NAV2: variants seen among roughly 807,000 people sequenced by gnomAD.
The protein encoded by NAV2 is helicase, APC down-regulated 1.
In NAV2, 54 loss-of-function variants were observed where a neutral mutation model predicts 223.2. The ratio of observed to expected loss-of-function variants is 0.24; its 90% confidence interval spans 0.19 to 0.30. NAV2 has a LOEUF of 0.30. Ranked by LOEUF, NAV2 falls within the 10% of genes least tolerant of loss-of-function variation. The pLI is 1.00. For missense variants in NAV2, 2,806 were observed against 3,147.5 expected, an observed-to-expected ratio of 0.89 and a Z score of 2.60; for synonymous variants, 1,279 against 1,239.3, an observed-to-expected ratio of 1.03 and a Z score of -0.67.
At chr11:19,715,643 G>A (rs1202331531) in intron 1 of NAV2, among the ~76,000 whole-genome samples, 1 of 152,180 alleles carries the variant, frequency 6.6e-6, no homozygotes, top group African/African-American at 2.4e-5. Context: ...AACATTGTCA[G>A]AGGACTGGCA....
intron 1 of NAV2, among the ~76,000 whole-genome samples, chr11:19,809,352 A>T (rs1198646958): frequency 1.3e-5 from 2 of 152,210 alleles, no homozygotes; most frequent in African/African-American, 4.8e-5. Flanking sequence ...TCCACATGTT[A>T]TCCATGGAGG....
At chr11:19,439,620 C>A (rs1851330215) in intron 1 of NAV2, among the ~76,000 whole-genome samples, 1 of 152,160 alleles carries the variant, frequency 6.6e-6, no homozygotes, top group African/African-American at 2.4e-5. Context: ...CAACATGATA[C>A]CTGTGTTTAT....
chr11:20,076,321 A>G (rs1383736931), intron 22 of NAV2, among the ~76,000 whole-genome samples: 1 of 152,186 alleles, frequency 6.6e-6, no homozygotes, highest in Non-Finnish European at 1.5e-5. Flanking sequence ...CTCATCCAAC[A>G]TATATGATTG....
chr11:19,829,788 C>T lies in NAV2; in HGVS notation c.268-2696C>T, dbSNP rs999443915. Among the ~76,000 whole-genome samples the T allele has an allele frequency of 1.1e-4, 16 of 152,214 alleles. No homozygotes were observed. The South Asian group carries it at 1.9e-3, about 18-fold the overall frequency. ...GGACAGGCACTTCCATATAGTCCCA[C>T]TCTGAGTCTTCACATCGACCTTCTG... On this transcript the variant is annotated intron_variant, in intron 1 of 37. Coordinates refer to ENST00000349880, the MANE Select transcript of NAV2 (RefSeq NM_145117.5).
rs529869910 is a variant in NAV2 at position 20,074,480 on chromosome 11, G to T, written c.4984-3072G>T. Among the ~76,000 whole-genome samples, 134 of 152,244 alleles carry T rather than the reference G, an allele frequency of 8.8e-4. 3 individuals carry two copies. The South Asian group carries it at 0.027, about 30-fold the overall frequency. ...GGTCCAGAGATGAGCTCAAGTCCTG[G>T]ATATCCTTGTTAATTTTCTGTTTTG... On this transcript the variant is annotated intron_variant, in intron 22 of 37. Transcript: ENST00000349880.
Position 20,048,765 on chromosome 11 carries a change from G to A in NAV2, c.3940G>A (p.Ala1314Thr), listed in dbSNP as rs750452282. The change falls in exon 15 of 38, where the codon GCC becomes ACC. Residue 1314 changes from alanine (A) to threonine (T), a missense_variant. By Grantham distance (58) the Ala-to-Thr change is moderately conservative. This residue lies in a region of NAV2 where 742 missense variants were observed against 777.9 expected (regional missense o/e 0.95). Coordinates refer to ENST00000349880, the MANE Select transcript of NAV2 (RefSeq NM_145117.5). ...GGKPTKQVPI[A>T]TAENMKNSVV... ...GAAGCCTACCAAGCAAGTGCCCATC[G>A]CCACAGCTGAAAACATGAAAAATTC... 9.3e-6 allele frequency: 15 copies of A among 1,614,038 alleles called. No homozygotes were observed. Among genetic ancestry groups the A allele is most frequent in the East Asian group, 4.5e-5 (2 of 44,878 alleles).
chr11:19,926,240 C>T (rs2044740129), intron 6 of NAV2, among the ~76,000 whole-genome samples: 1 of 152,180 alleles, frequency 6.6e-6, no homozygotes, highest in Non-Finnish European at 1.5e-5. Flanking sequence ...TTTCTAGAAG[C>T]ATATGGAATT....
At chr11:19,417,929 T>G (rs947327253) in intron 1 of NAV2, among the ~76,000 whole-genome samples, 10 of 151,902 alleles carry the variant, frequency 6.6e-5, no homozygotes, top group African/African-American at 2.4e-4. Flanking sequence ...CGAGAACACA[T>G]GGACCTGGGG....
chr11:20,071,249 G>T (rs1178749279), intron 22 of NAV2, among the ~76,000 whole-genome samples: 1 of 152,058 alleles, frequency 6.6e-6, no homozygotes, highest in Admixed American at 6.6e-5. Flanking sequence ...TGCTGAGAAT[G>T]ATGGTTTCCA....
At chr11:19,610,937 C>T (rs1162254459) in intron 1 of NAV2, among the ~76,000 whole-genome samples, 1 of 151,186 alleles carries the variant, frequency 6.6e-6, no homozygotes, top group East Asian at 1.9e-4. Flanking sequence ...CCAGGCTCAG[C>T]CCAGCCCCTT....
intron 1 of NAV2, among the ~76,000 whole-genome samples, chr11:19,623,191 C>A (rs1050337914): frequency 6.6e-6 from 1 of 152,154 alleles, no homozygotes; most frequent in Non-Finnish European, 1.5e-5. Context: ...TCTGGCTGCC[C>A]TTAACATTTT....
chr11:19,392,644 T>C (rs1590110892), intron 1 of NAV2, among the ~76,000 whole-genome samples: 1 of 152,152 alleles, frequency 6.6e-6, no homozygotes, highest in Non-Finnish European at 1.5e-5. Flanking sequence ...CAGCATCACT[T>C]CTCCAGCATT....
chr11:19,707,025 T>C (rs529973245), intron 1 of NAV2, among the ~76,000 whole-genome samples: 14 of 152,160 alleles, frequency 9.2e-5, no homozygotes, highest in African/African-American at 2.9e-4. Flanking sequence ...AGTAAAAATA[T>C]AGTATAAAAG....
intron 1 of NAV2, among the ~76,000 whole-genome samples, chr11:19,487,480 A>G (rs554416822): frequency 6.6e-6 from 1 of 152,288 alleles, no homozygotes; most frequent in Admixed American, 6.5e-5. Flanking sequence ...GATGAAGAAC[A>G]TGGTGACAGA....
rs913569021 is a variant in NAV2, at chr11:20,119,835, T to C, written c.*1577T>C. 3 of 152,336 alleles carry C rather than the reference T, an allele frequency of 2.0e-5. No homozygotes were observed. Among genetic ancestry groups the C allele is most frequent in the Admixed American group, 6.6e-5 (1 of 15,252 alleles). The allele number at this position is 152,336 out of a possible 1,614,324, so 9.4% of individuals were successfully genotyped here. A position where few individuals can be genotyped will look rare whatever the true frequency, so the allele number is the denominator to read the frequency against. ...CATGGGAAAAAGAAAAAAAAAAAGATCCATTTTTTAGGTTCTTTTCGGTCT... is the reference window on the plus strand; with the variant it reads ...CATGGGAAAAAGAAAAAAAAAAAGACCCATTTTTTAGGTTCTTTTCGGTCT... On this transcript the variant is annotated 3_prime_UTR_variant, in exon 38 of 38. Coordinates refer to ENST00000349880, the MANE Select transcript of NAV2 (RefSeq NM_145117.5).
At chr11:19,898,421 C>A (rs1034267325) in intron 6 of NAV2, among the ~76,000 whole-genome samples, 1 of 152,114 alleles carries the variant, frequency 6.6e-6, no homozygotes, top group Non-Finnish European at 1.5e-5. Context: ...AGTAATTATT[C>A]TTCAGAAGCT....
chr11:20,001,517 T>C (rs962535778), intron 11 of NAV2, among the ~76,000 whole-genome samples: 1 of 152,050 alleles, frequency 6.6e-6, no homozygotes, highest in Non-Finnish European at 1.5e-5. Context: ...ACCTTGGCTT[T>C]TTCACTATGA....
Position 19,555,605 on chromosome 11 carries a change from C to T in NAV2, c.75+204578C>T, listed in dbSNP as rs115140115. Reference sequence around the variant, plus strand: ...TTTTATTAGCTGTTTTGGAAGTAAACATTGCTCACATTTTTGCCTTCCCAG... The same window carrying T: ...TTTTATTAGCTGTTTTGGAAGTAAATATTGCTCACATTTTTGCCTTCCCAG... On this transcript the variant is annotated intron_variant, in intron 1 of 37. Coordinates refer to the NAV2 transcript ENST00000360655. Among the ~76,000 whole-genome samples the T allele has an allele frequency of 2.6e-3, 400 of 152,272 alleles. 2 individuals carry two copies. The highest frequency in any genetic ancestry group is 9.4e-3 in the African/African-American group (389 of 41,556).
At position 20,114,602 on chromosome 11, in the gene NAV2, G is replaced by A; in HGVS notation, c.6971G>A (p.Arg2324Lys). The A allele has an allele frequency of 1.2e-6, 2 of 1,614,136 alleles. No homozygotes were observed. Among genetic ancestry groups the A allele is most frequent in the Non-Finnish European group, 1.7e-6 (2 of 1,180,034 alleles). The change falls in exon 37 of 38, where the codon AGG (arginine) becomes AAG (lysine). Residue 2324 changes from arginine (R) to lysine (K), a missense_variant. Arg to Lys is a conservative substitution (Grantham distance 26). This residue lies in a region of NAV2 where 824 missense variants were observed against 1,069.4 expected (regional missense o/e 0.77). Transcript: ENST00000349880. ...AVREGLQLYG[R>K]RAPWEDPAKW... is the part of the protein sequence containing the mutation. ...TTTGCCTGTTTTCAGCTCTATGGAA[G>A]GCGCGCCCCCTGGGAGGATCCTGCC...
Sources: gnomAD v4.1 joint callset for allele counts (sites outside exome capture counted in the v4.1 genomes callset) on GRCh38, gnomAD v4.1.1 for gene constraint, gnomAD v4.1.1 regional missense constraint, MANE v1.5 for transcripts, NCBI Gene and HGNC (gene_info 2026-07-23, HGNC 2026-07-21) for gene names.